Variants in KCND2 observed in about 807,000 individuals in gnomAD.
KCND2 encodes A-type voltage-gated potassium channel KCND2.
In KCND2, 16 loss-of-function variants were observed where a neutral mutation model predicts 54.4. The observed-to-expected ratio is 0.29, with a 90% CI of 0.20 to 0.45. The LOEUF (loss-of-function observed/expected upper bound fraction) is 0.45. KCND2 is among the 20% of genes least tolerant of loss of function. KCND2 has a pLI of 1.00. For synonymous variants in KCND2, 317 were observed against 310.7 expected, an observed-to-expected ratio of 1.02 and a Z score of -0.21; for missense variants, 486 against 824.2, an observed-to-expected ratio of 0.59 and a Z score of 5.02.
chr7:120,726,592 G>A (rs151034331), intron 1 of KCND2, among the ~76,000 whole-genome samples: 9 of 152,258 alleles, frequency 5.9e-5, no homozygotes, highest in East Asian at 1.9e-4. Context: ...GCACATAGAC[G>A]TACACACATA....
chr7:120,381,212 G>A (rs535242660), intron 1 of KCND2, among the ~76,000 whole-genome samples: 130 of 152,102 alleles, frequency 8.5e-4, no homozygotes, highest in Non-Finnish European at 9.6e-4. Flanking sequence ...CTGATATCAC[G>A]CCACTGTACT....
intron 1 of KCND2, among the ~76,000 whole-genome samples, chr7:120,630,595 TATCTATA>T (rs1424465274): frequency 5.9e-5 from 9 of 152,244 alleles, no homozygotes; most frequent in East Asian, 3.9e-4. Context: ...TTAATACAAA[TATCTATA>T]ATCTATAATC....
chr7:120,307,709 G>T (rs1025368624), intron 1 of KCND2, among the ~76,000 whole-genome samples: 37 of 152,208 alleles, frequency 2.4e-4, no homozygotes, highest in African/African-American at 7.7e-4. Context: ...TCAGCCATCT[G>T]AGTGGAACAT....
chr7:120,706,307 T>G (rs1792467915), intron 1 of KCND2, among the ~76,000 whole-genome samples: 1 of 152,178 alleles, frequency 6.6e-6, no homozygotes, highest in South Asian at 2.1e-4. Context: ...ACCCATTTTG[T>G]GCTGCTACAA....
intron 1 of KCND2, among the ~76,000 whole-genome samples, chr7:120,727,652 G>A (rs1298292802): frequency 6.6e-6 from 1 of 152,126 alleles, no homozygotes; most frequent in Non-Finnish European, 1.5e-5. Context: ...CGCAAATTTA[G>A]AATTAACATT....
intron 2 of KCND2, chr7:120,740,770 G>GT: frequency 2.3e-6 from 1 of 441,150 alleles, no homozygotes; most frequent in Admixed American, 2.4e-5. Flanking sequence ...GAAAAACAAT[G>GT]TTTAAATCTC....
chr7:120,620,969 G>A (rs1483238724), intron 1 of KCND2, among the ~76,000 whole-genome samples: 1 of 151,974 alleles, frequency 6.6e-6, no homozygotes, highest in Non-Finnish European at 1.5e-5. Context: ...CACATGATAT[G>A]GTTCCTTAAA....
At chr7:120,487,368 G>GA (rs1296271587) in intron 1 of KCND2, among the ~76,000 whole-genome samples, 1 of 151,524 alleles carries the variant, frequency 6.6e-6, no homozygotes, top group Non-Finnish European at 1.5e-5. Context: ...GGAATAACAA[G>GA]AAAAATGAAG....
At chr7:120,352,467 C>T (rs200143229) in intron 1 of KCND2, among the ~76,000 whole-genome samples, 14,880 of 132,538 alleles carry the variant, frequency 0.11, 1,647 homozygotes, top group East Asian at 0.52. Flanking sequence ...CATACACACA[C>T]ACACACACAC....
intron 1 of KCND2, among the ~76,000 whole-genome samples, chr7:120,620,139 G>C (rs1202205254): frequency 6.6e-6 from 1 of 151,846 alleles, no homozygotes; most frequent in Non-Finnish European, 1.5e-5. Context: ...ATTATGAAAA[G>C]TAAATAACCT....
intron 1 of KCND2, among the ~76,000 whole-genome samples, chr7:120,690,814 G>T (rs1184273628): frequency 6.6e-6 from 1 of 152,168 alleles, no homozygotes; most frequent in Admixed American, 6.5e-5. Context: ...TTACATTCTA[G>T]TGGGAGGTGG....
chr7:120,660,988 T>C (rs1371836279), intron 1 of KCND2, among the ~76,000 whole-genome samples: 1 of 152,222 alleles, frequency 6.6e-6, no homozygotes. Context: ...AATTTTTATA[T>C]AGTTAAGGGG....
chr7:120,464,082 C>T, intron 1 of KCND2: 1 of 983,252 alleles, frequency 1.0e-6, no homozygotes. Flanking sequence ...CAAGCCACCC[C>T]AAAGCACATC....
chr7:120,660,638 G>C (rs1025079865), intron 1 of KCND2, among the ~76,000 whole-genome samples: 16 of 152,186 alleles, frequency 1.1e-4, no homozygotes, highest in South Asian at 4.1e-4. Context: ...ATGAATTAAG[G>C]CTTGCTTATG....
intron 1 of KCND2, among the ~76,000 whole-genome samples, chr7:120,602,739 T>C (rs1266169109): frequency 6.6e-6 from 1 of 152,202 alleles, no homozygotes; most frequent in Non-Finnish European, 1.5e-5. Flanking sequence ...CAGAAAGACA[T>C]TGGCTGAGAC....
At chr7:120,711,358 T>C (rs1166473457) in intron 1 of KCND2, among the ~76,000 whole-genome samples, 1 of 152,182 alleles carries the variant, frequency 6.6e-6, no homozygotes, top group Non-Finnish European at 1.5e-5. Context: ...CAAAGATTAG[T>C]ATATGCAAAG....
chr7:120,614,614 A>G (rs1584854837), intron 1 of KCND2, among the ~76,000 whole-genome samples: 1 of 152,220 alleles, frequency 6.6e-6, no homozygotes, highest in East Asian at 1.9e-4. Context: ...GCTAAGCCCA[A>G]TTAAAATGCA....
At chr7:120,592,479 C>T (rs1792684250) in intron 1 of KCND2, among the ~76,000 whole-genome samples, 1 of 152,004 alleles carries the variant, frequency 6.6e-6, no homozygotes, top group Admixed American at 6.6e-5. Flanking sequence ...TTTCAGGGAG[C>T]CAAGATCATG....
intron 1 of KCND2, among the ~76,000 whole-genome samples, chr7:120,566,598 G>C (rs1344033965): frequency 6.6e-6 from 1 of 151,960 alleles, no homozygotes; most frequent in Non-Finnish European, 1.5e-5. Flanking sequence ...CTGCCTCCTT[G>C]GCCTCCCAAA....
Sources: gnomAD v4.1 joint callset for allele counts (sites outside exome capture counted in the v4.1 genomes callset) on GRCh38, gnomAD v4.1.1 for gene constraint, MANE v1.5 for transcripts, NCBI Gene and HGNC (gene_info 2026-07-23, HGNC 2026-07-21) for gene names.